Variants in RMDN2 observed in about 807,000 individuals in gnomAD.
RMDN2 encodes the protein regulator of microtubule dynamics protein 2.
In RMDN2, 61 loss-of-function variants were observed where a neutral mutation model predicts 52.8. The ratio of observed to expected loss-of-function variants is 1.16; its 90% CI spans 0.94 to 1.43. The LOEUF (loss-of-function observed/expected upper bound fraction) is 1.43. Ranked by LOEUF, RMDN2 falls within the 40% of genes most tolerant of loss-of-function variation. The pLI, the probability that RMDN2 is intolerant of heterozygous loss-of-function variation, is 0.00. For missense variants in RMDN2, 592 were observed against 475.3 expected (o/e 1.25, Z -2.28); for synonymous variants, 180 against 153.1 (o/e 1.18, Z -1.30).
intron 10 of RMDN2, among the ~76,000 whole-genome samples, chr2:38,064,975 A>G (rs928917104): frequency 1.3e-5 from 2 of 152,226 alleles, no homozygotes; most frequent in African/African-American, 4.8e-5. Flanking sequence ...TGCTGACCCA[A>G]CACTTCTAAT....
chr2:38,037,562 A>T (rs986299163), intron 10 of RMDN2, among the ~76,000 whole-genome samples: 1 of 152,226 alleles, frequency 6.6e-6, no homozygotes, highest in South Asian at 2.1e-4. Flanking sequence ...AAGTCATCAC[A>T]TAGCAAACTG....
chr2:37,971,474 T>C (rs1400447752), intron 2 of RMDN2, among the ~76,000 whole-genome samples: 1 of 152,208 alleles, frequency 6.6e-6, no homozygotes, highest in Non-Finnish European at 1.5e-5. Flanking sequence ...GACTAAAATA[T>C]ATTCGTCTGT....
downstream of RMDN2, chr2:38,017,815 C>G: frequency 4.3e-6 from 1 of 235,048 alleles, no homozygotes; most frequent in Non-Finnish European, 8.8e-6. Flanking sequence ...GCTATTTCAT[C>G]TGGGTGCAGG....
intron 2 of RMDN2, among the ~76,000 whole-genome samples, chr2:37,941,498 G>A (rs1309630346): frequency 2.0e-5 from 3 of 152,220 alleles, no homozygotes; most frequent in Non-Finnish European, 2.9e-5. Flanking sequence ...GCCCACAGCC[G>A]CGCCTTCCCC....
chr2:38,031,960 A>C (rs991057983), intron 10 of RMDN2, among the ~76,000 whole-genome samples: 1 of 152,144 alleles, frequency 6.6e-6, no homozygotes, highest in South Asian at 2.1e-4. Context: ...TGTGCACAAC[A>C]ATGCCGCTGC....
chr2:37,995,034 T>A (rs1024425932), intron 7 of RMDN2, among the ~76,000 whole-genome samples: 2 of 152,162 alleles, frequency 1.3e-5, no homozygotes, highest in African/African-American at 4.8e-5. Flanking sequence ...CTTTTTAGGA[T>A]GATGAAAATG....
chr2:38,046,378 C>A (rs1259538955), intron 10 of RMDN2, among the ~76,000 whole-genome samples: 1 of 151,690 alleles, frequency 6.6e-6, no homozygotes, highest in African/African-American at 2.4e-5. Flanking sequence ...AAAATAAGAA[C>A]AATAATAATA....
chr2:37,991,001 A>G (rs546238460), intron 6 of RMDN2, among the ~76,000 whole-genome samples: 1 of 152,320 alleles, frequency 6.6e-6, no homozygotes, highest in East Asian at 1.9e-4. Flanking sequence ...TTTAAATTAC[A>G]CATAGCTTTA....
At chr2:37,960,337 G>GTATATA (rs146086142) in intron 2 of RMDN2, among the ~76,000 whole-genome samples, 31 of 151,242 alleles carry the variant, frequency 2.0e-4, no homozygotes, top group African/African-American at 6.6e-4. Context: ...TGTATTGGGT[G>GTATATA]TATATATATA....
At chr2:37,955,547 C>G (rs1180672265) in intron 2 of RMDN2, among the ~76,000 whole-genome samples, 1 of 152,064 alleles carries the variant, frequency 6.6e-6, no homozygotes. Flanking sequence ...TCCCAGAATT[C>G]CCACATGTTG....
chr2:37,990,577 G>A (rs1674653280), intron 6 of RMDN2, among the ~76,000 whole-genome samples: 1 of 133,596 alleles, frequency 7.5e-6, no homozygotes, highest in Admixed American at 7.6e-5. Flanking sequence ...AACATCTTAA[G>A]TGTGACCAGC....
At chr2:37,927,313 A>G (rs1274836986) in intron 1 of RMDN2, among the ~76,000 whole-genome samples, 1 of 152,208 alleles carries the variant, frequency 6.6e-6, no homozygotes, top group African/African-American at 2.4e-5. Context: ...GACAGTTTTC[A>G]CTTCCCAGTT....
chr2:38,061,519 T>A (rs1250527917), intron 10 of RMDN2, among the ~76,000 whole-genome samples: 1 of 152,012 alleles, frequency 6.6e-6, no homozygotes, highest in Non-Finnish European at 1.5e-5. Context: ...CTGTATTTTC[T>A]TCACATGGAG....
intron 2 of RMDN2, among the ~76,000 whole-genome samples, chr2:37,961,694 A>C (rs1299838513): frequency 6.6e-6 from 1 of 151,950 alleles, no homozygotes; most frequent in South Asian, 2.1e-4. Context: ...ACTTCTGTCA[A>C]CTTGTCAAAG....
intron 10 of RMDN2, among the ~76,000 whole-genome samples, chr2:38,053,193 T>G (rs1681699233): frequency 6.6e-6 from 1 of 152,192 alleles, no homozygotes; most frequent in African/African-American, 2.4e-5. Flanking sequence ...ATTTTCTTAC[T>G]CAAATTATGA....
At chr2:38,048,266 C>A (rs1166034255) in intron 10 of RMDN2, among the ~76,000 whole-genome samples, 1 of 152,198 alleles carries the variant, frequency 6.6e-6, no homozygotes, top group African/African-American at 2.4e-5. Flanking sequence ...GGGTCCATTT[C>A]CATTTGAGTG....
chr2:37,985,707 A>G (rs552662418), intron 5 of RMDN2, among the ~76,000 whole-genome samples: 1 of 152,148 alleles, frequency 6.6e-6, no homozygotes, highest in African/African-American at 2.4e-5. Flanking sequence ...AACAGGGTAT[A>G]TGATGGATCA....
intron 10 of RMDN2, among the ~76,000 whole-genome samples, chr2:38,039,852 G>T (rs1680843784): frequency 1.3e-5 from 2 of 152,228 alleles, no homozygotes; most frequent in Non-Finnish European, 2.9e-5. Flanking sequence ...TAAGCACAAA[G>T]GTACCCAGGA....
intron 5 of RMDN2, among the ~76,000 whole-genome samples, chr2:37,985,760 T>G (rs1673924753): frequency 6.6e-6 from 1 of 152,086 alleles, no homozygotes; most frequent in African/African-American, 2.4e-5. Flanking sequence ...AAAAGATACC[T>G]AACAAGTTAT....
Sources: allele counts gnomAD v4.1 joint callset (sites outside exome capture counted in the v4.1 genomes callset), GRCh38; gene constraint gnomAD v4.1.1; transcripts MANE v1.5; gene names NCBI Gene and HGNC (gene_info 2026-07-23, HGNC 2026-07-21).